Variants in FBLN2 observed in about 807,000 individuals in gnomAD.
FBLN2 encodes fibulin-2.
FBLN2 carries 81 observed loss-of-function variants against 123.7 expected under a neutral mutation model. The observed-to-expected ratio is 0.65, with a 90% CI of 0.55 to 0.79. The LOEUF (loss-of-function observed/expected upper bound fraction) is 0.79. Ranked by LOEUF, FBLN2 falls within the 30% of genes least tolerant of loss-of-function variation. The pLI, the probability that FBLN2 is intolerant of heterozygous loss-of-function variation, is 0.00. For synonymous variants in FBLN2, 699 were observed against 701.4 expected (o/e 1.00, Z 0.05); for missense variants, 1,603 against 1,681.3 (o/e 0.95, Z 0.81).
At chr3:13,560,966 A>AG (rs535110210) in intron 1 of FBLN2, among the ~76,000 whole-genome samples, 210 of 151,578 alleles carry the variant, frequency 1.4e-3, no homozygotes, top group African/African-American at 5.0e-3. Flanking sequence ...GTCTCTTTGA[A>AG]GGGAAAAAAA....
chr3:13,630,930 T>G, intron 15 of FBLN2, 115 bp downstream of exon 15: 1 of 806,404 alleles, frequency 1.2e-6, no homozygotes, highest in South Asian at 1.7e-5. Flanking sequence ...GCATCAGATC[T>G]GAGTTCAAGC....
chr3:13,578,326 C>T (rs921083863), intron 2 of FBLN2, among the ~76,000 whole-genome samples: 1 of 152,196 alleles, frequency 6.6e-6, no homozygotes, highest in African/African-American at 2.4e-5. Context: ...TCCAGAAAGA[C>T]ACCCACATCT....
At chr3:13,620,719 C>G (rs1393760254) in intron 8 of FBLN2, among the ~76,000 whole-genome samples, 6 of 152,216 alleles carry the variant, frequency 3.9e-5, no homozygotes, top group Non-Finnish European at 8.8e-5. Context: ...TATGGCAGTT[C>G]TGGCTCAGAG....
At position 13,613,977 on chromosome 3, in the gene FBLN2, C is replaced by T. The variant is rs745980611; in HGVS notation, c.1549-7C>T. ...GATTGGGCAGTGATAACTGTCTCTCCCTGCAGCAATGCTGTGACTGCTGTG... is the reference window on the plus strand; with the variant it reads ...GATTGGGCAGTGATAACTGTCTCTCTCTGCAGCAATGCTGTGACTGCTGTG... On this transcript the variant is annotated splice_region_variant and splice_polypyrimidine_tract_variant and intron_variant, in intron 4 of 17. Transcript: ENST00000404922. 1 of 1,610,224 alleles carries T rather than the reference C, an allele frequency of 6.2e-7. No individual in the cohort carries two copies.
At chr3:13,588,052 T>A (rs1298479243) in intron 2 of FBLN2, among the ~76,000 whole-genome samples, 1 of 152,182 alleles carries the variant, frequency 6.6e-6, no homozygotes, top group Non-Finnish European at 1.5e-5. Context: ...CTTGGCAAAA[T>A]ACTTTCTGAA....
Position 13,570,764 on chromosome 3 carries a change from G to A in FBLN2, c.409G>A (p.Val137Met). ...VADSCPQCGQ[V>M]GCVHAGHKYA... is the part of the protein sequence containing the mutation. ...TGACAGCTGCCCACAGTGCGGCCAG[G>A]TGGGCTGCGTCCACGCGGGCCACAA... is the stretch of plus-strand genomic sequence containing the variant. The change falls in exon 2 of 18, where the codon GTG becomes ATG. Residue 137 changes from valine (V) to methionine (M), a missense_variant. Physicochemically the swap from Val to Met is conservative, Grantham distance 21 (BLOSUM62 1). Coordinates refer to ENST00000404922, the MANE Select transcript of FBLN2 (RefSeq NM_001004019.2). The A allele has an allele frequency of 6.2e-7, 1 of 1,601,946 alleles. No homozygotes were observed.
At chr3:13,569,546 A>G (rs1222920060) in intron 1 of FBLN2, among the ~76,000 whole-genome samples, 2 of 151,048 alleles carry the variant, frequency 1.3e-5, no homozygotes, top group Admixed American at 6.6e-5. Flanking sequence ...GAGAATGGAC[A>G]TGACTGGGGG....
chr3:13,633,230 C>T (rs368328044), intron 16 of FBLN2, among the ~76,000 whole-genome samples: 16 of 152,370 alleles, frequency 1.1e-4, no homozygotes, highest in Middle Eastern at 3.4e-3. Context: ...CTGACCCTAG[C>T]GCTTCTCTCC....
chr3:13,583,007 G>A (rs368976692), intron 2 of FBLN2, among the ~76,000 whole-genome samples: 1 of 152,384 alleles, frequency 6.6e-6, no homozygotes, highest in East Asian at 1.9e-4. Flanking sequence ...CTCCAGATGT[G>A]CAGCAGCGTG....
At chr3:13,632,678 T>C (rs370508347) in intron 16 of FBLN2, among the ~76,000 whole-genome samples, 1 of 152,108 alleles carries the variant, frequency 6.6e-6, no homozygotes, top group African/African-American at 2.4e-5. Context: ...CTAGTCCCAA[T>C]GCACAAGGAG....
chr3:13,618,777 T>C (rs1705726237), intron 6 of FBLN2, 127 bp from the exon 7 acceptor site: 1 of 669,970 alleles, frequency 1.5e-6, no homozygotes. Flanking sequence ...TTTCCTCTCC[T>C]GTGAAATGGG....
At chr3:13,610,554 C>G (rs1218357391) in intron 4 of FBLN2, among the ~76,000 whole-genome samples, 1 of 152,024 alleles carries the variant, frequency 6.6e-6, no homozygotes, top group East Asian at 1.9e-4. Context: ...CAGGCTGGAC[C>G]ATAAAGGACA....
intron 2 of FBLN2, among the ~76,000 whole-genome samples, chr3:13,579,821 G>A (rs898189103): frequency 1.3e-5 from 2 of 152,146 alleles, no homozygotes; most frequent in Non-Finnish European, 2.9e-5. Context: ...TTCTTTGTAC[G>A]CTGTTCATTG....
chr3:13,564,736 A>T (rs1703694884), intron 1 of FBLN2, among the ~76,000 whole-genome samples: 1 of 152,168 alleles, frequency 6.6e-6, no homozygotes, highest in African/African-American at 2.4e-5. Flanking sequence ...CAGTGGCAGC[A>T]CTGGGGATGT....
rs573501822 is a variant in FBLN2, at chr3:13,551,292, C to G, written c.-42+2084C>G. ...AATGAGTGGTGCCCAGGGCCCTGGG[C>G]CACAGGGCATCTTTGTGATGGTGGC... is the stretch of plus-strand genomic sequence containing the variant. On this transcript the variant is annotated intron_variant, in intron 1 of 17. Transcript: ENST00000404922. Among the ~76,000 whole-genome samples the G allele has an allele frequency of 7.9e-5, 12 of 152,304 alleles. No homozygotes were observed. In the East Asian group the frequency reaches 1.9e-3, roughly 24 times the overall value.
At chr3:13,550,689 A>T (rs1177184722) in intron 1 of FBLN2, among the ~76,000 whole-genome samples, 1 of 151,618 alleles carries the variant, frequency 6.6e-6, no homozygotes, top group African/African-American at 2.4e-5. Context: ...TGGGGTGAAG[A>T]CTCCCCAGCA....
intron 2 of FBLN2, among the ~76,000 whole-genome samples, chr3:13,600,040 A>AGC (rs1192625868): frequency 0.03 from 4,145 of 139,264 alleles, 64 homozygotes; most frequent in Non-Finnish European, 0.037. Context: ...AGAGAGAGAG[A>AGC]GAGAGCGAGA....
intron 2 of FBLN2, among the ~76,000 whole-genome samples, chr3:13,576,713 A>G (rs1307928414): frequency 7.6e-6 from 1 of 131,232 alleles, no homozygotes; most frequent in Non-Finnish European, 1.6e-5. Flanking sequence ...AGGGGTGGTC[A>G]GGGGGATCCC....
rs762217546 is a variant in FBLN2, at chr3:13,570,938, G to A, written c.583G>A (p.Asp195Asn). Residue 195 changes from aspartate (D) to asparagine (N), a missense_variant, in exon 2 of 18, where the codon GAC becomes AAC. Asp to Asn is a conservative substitution (Grantham distance 23). Transcript: ENST00000404922. Reference sequence around the variant, plus strand: ...GGGTGACCCCGAGCGACACTACGAAGACCCCTACAGCTATGACCAGGAGGT... The same window carrying A: ...GGGTGACCCCGAGCGACACTACGAAAACCCCTACAGCTATGACCAGGAGGT... Reference protein sequence around the residue: ...EEGDPERHYEDPYSYDQEVAE... With the variant: ...EEGDPERHYENPYSYDQEVAE... 8 of 1,612,934 alleles carry A rather than the reference G, an allele frequency of 5.0e-6. No homozygotes were observed. The East Asian group carries it at 1.8e-4, about 36-fold the overall frequency.
Sources: gnomAD v4.1 joint callset for allele counts (sites outside exome capture counted in the v4.1 genomes callset) on GRCh38, gnomAD v4.1.1 for gene constraint, MANE v1.5 for transcripts, NCBI Gene and HGNC (gene_info 2026-07-23, HGNC 2026-07-21) for gene names.